The following GNAI3 variants were observed in gnomAD, a reference collection of about 807,000 sequenced individuals.
The protein encoded by GNAI3 is G protein subunit alpha i3.
GNAI3 carries 12 observed loss-of-function variants against 41.8 expected under a neutral mutation model. That is an observed-to-expected ratio of 0.29 (90% CI 0.18 to 0.47). The LOEUF is 0.47. Among genes scored for constraint, GNAI3 ranks in the 20% least tolerant of loss-of-function variants. GNAI3 has a pLI of 1.00. For missense variants in GNAI3, 360 were observed against 429.6 expected (o/e 0.84, Z 1.43); for synonymous variants, 132 against 146.5 (o/e 0.90, Z 0.71).
At chr1:109,555,963 C>CGTGTGTGTGTGTGTGTGTGT (rs71069692) in intron 1 of GNAI3, among the ~76,000 whole-genome samples, 1 of 144,530 alleles carries the variant, frequency 6.9e-6, no homozygotes, top group Non-Finnish European at 1.5e-5. Flanking sequence ...TGCGTGCGTG[C>CGTGTGTGTGTGTGTGTGTGT]GTGTGTGTGT....
chr1:109,548,737 G>T lies in GNAI3; in HGVS notation c.17G>T (p.Ser6Ile). The change falls in exon 1 of 9, where the codon AGC becomes ATC. Residue 6 changes from serine (S) to isoleucine (I), a missense_variant. By Grantham distance (142) the Ser-to-Ile change is moderately radical. Transcript: ENST00000369851. The stretch of plus-strand genomic sequence containing the variant: ...GCCGCCGCCATGGGCTGCACGTTGA[G>T]CGCCGAAGACAAGGCGGCAGTGGAG... MGCTLSAEDKAAVERS... is the reference protein window; with the variant it reads MGCTLIAEDKAAVERS... 1 of 1,613,226 alleles carries T rather than the reference G, an allele frequency of 6.2e-7. No individual in the cohort carries two copies. Among genetic ancestry groups the T allele is most frequent in the South Asian group, 1.1e-5 (1 of 90,974 alleles).
At chr1:109,572,263 T>C (rs760445393) in intron 1 of GNAI3, among the ~76,000 whole-genome samples, 9 of 152,070 alleles carry the variant, frequency 5.9e-5, no homozygotes, top group Non-Finnish European at 8.8e-5. Context: ...TGAGCCGAGA[T>C]TGTACCATTG....
intron 7 of GNAI3, among the ~76,000 whole-genome samples, chr1:109,588,133 C>G (rs963290321): frequency 1.3e-5 from 2 of 152,046 alleles, no homozygotes; most frequent in Non-Finnish European, 2.9e-5. Flanking sequence ...GTAATCCCAG[C>G]ACTTTGGGAG....
chr1:109,561,694 T>A (rs186299197), intron 1 of GNAI3, among the ~76,000 whole-genome samples: 6 of 152,208 alleles, frequency 3.9e-5, no homozygotes, highest in Admixed American at 3.3e-4. Context: ...TAAAATGTGA[T>A]TACAGAAGGA....
chr1:109,566,344 C>T (rs1021169909), intron 1 of GNAI3, among the ~76,000 whole-genome samples: 1 of 152,184 alleles, frequency 6.6e-6, no homozygotes, highest in Non-Finnish European at 1.5e-5. Context: ...ACTTCTCCCA[C>T]CAGACCGTAA....
At chr1:109,577,309 C>CTTTTTT (rs1553224234) in intron 3 of GNAI3, among the ~76,000 whole-genome samples, 1 of 133,116 alleles carries the variant, frequency 7.5e-6, no homozygotes, top group African/African-American at 2.9e-5. Flanking sequence ...TGGAGTTTTG[C>CTTTTTT]TCTGTCGCCC....
At chr1:109,555,968 G>A (rs1406974325) in intron 1 of GNAI3, among the ~76,000 whole-genome samples, 17 of 67,338 alleles carry the variant, frequency 2.5e-4, no homozygotes, top group Non-Finnish European at 5.0e-4. Flanking sequence ...GCGTGCGTGT[G>A]TGTGTGTGTG....
At chr1:109,591,903 A>G (rs1649181493) in intron 7 of GNAI3, 140 bp from the exon 8 acceptor site, 1 of 501,274 alleles carries the variant, frequency 2.0e-6, no homozygotes, top group Non-Finnish European at 3.6e-6. Context: ...AGAAACACCT[A>G]ATGATTATAG....
chr1:109,567,696 A>G (rs1357983503), intron 1 of GNAI3, among the ~76,000 whole-genome samples: 1 of 152,204 alleles, frequency 6.6e-6, no homozygotes, highest in Non-Finnish European at 1.5e-5. Flanking sequence ...CCAAGTTGTT[A>G]TTACTAAATA....
At chr1:109,555,484 A>G (rs1648114870) in intron 1 of GNAI3, among the ~76,000 whole-genome samples, 1 of 152,224 alleles carries the variant, frequency 6.6e-6, no homozygotes, top group African/African-American at 2.4e-5. Context: ...AGCCACATGT[A>G]GAAGCATTAA....
chr1:109,576,329 C>T (rs1648742609), intron 3 of GNAI3, among the ~76,000 whole-genome samples: 1 of 151,798 alleles, frequency 6.6e-6, no homozygotes, highest in South Asian at 2.1e-4. Context: ...TTGGCCTCCC[C>T]AAGTGCTGGG....
chr1:109,554,799 G>A (rs934885795), intron 1 of GNAI3, among the ~76,000 whole-genome samples: 2 of 152,066 alleles, frequency 1.3e-5, no homozygotes, highest in Non-Finnish European at 2.9e-5. Flanking sequence ...ATGGCTAGAA[G>A]GGTTTTTCCA....
At chr1:109,569,284 C>T (rs1329035461) in intron 1 of GNAI3, among the ~76,000 whole-genome samples, 1 of 152,220 alleles carries the variant, frequency 6.6e-6, no homozygotes, top group African/African-American at 2.4e-5. Flanking sequence ...GAGTCCTCTT[C>T]AGTTCCTCCC....
rs568125757 is a variant in GNAI3, at chr1:109,595,043, G to T, written c.*2721G>T. 9.2e-5 allele frequency: 14 copies of T among 152,248 alleles called. No individual in the cohort carries two copies. Among genetic ancestry groups the T allele is most frequent in the Admixed American group, 1.3e-4 (2 of 15,284 alleles). 9.4% of individuals were successfully genotyped at this position (152,248 alleles called of 1,614,324 possible). A position where few individuals can be genotyped will look rare whatever the true frequency, so the allele number is the denominator to read the frequency against. On this transcript the variant is annotated 3_prime_UTR_variant, in exon 9 of 9. Coordinates refer to ENST00000369851, the MANE Select transcript of GNAI3 (RefSeq NM_006496.4). The stretch of plus-strand genomic sequence containing the variant: ...TTTCTTGTAGCAGGGCTAAAATGTG[G>T]GATGAAACATTAAATCTACTAGCCT...
chr1:109,569,766 G>A (rs1280626802), intron 1 of GNAI3, among the ~76,000 whole-genome samples: 1 of 151,820 alleles, frequency 6.6e-6, no homozygotes, highest in Non-Finnish European at 1.5e-5. Flanking sequence ...TTTTCTCAGG[G>A]AGCCTTGGAA....
At chr1:109,556,023 T>C (rs1243853314) in intron 1 of GNAI3, among the ~76,000 whole-genome samples, 1 of 150,780 alleles carries the variant, frequency 6.6e-6, no homozygotes, top group East Asian at 1.9e-4. Flanking sequence ...ATCAGGTCCT[T>C]CCATTAACTT....
chr1:109,559,999 A>G (rs536837068), intron 1 of GNAI3, among the ~76,000 whole-genome samples: 2 of 152,344 alleles, frequency 1.3e-5, no homozygotes, highest in African/African-American at 4.8e-5. Context: ...CTAAGCAAAG[A>G]AGAAAGATAC....
intron 3 of GNAI3, among the ~76,000 whole-genome samples, chr1:109,577,269 GTTTTTTTTGTTT>G (rs1258751261): frequency 1.4e-5 from 2 of 139,002 alleles, no homozygotes; most frequent in African/African-American, 5.4e-5. Context: ...TAGCTAAGGT[GTTTTTTTTGTTT>G]TTTTTTTTTT....
intron 7 of GNAI3, chr1:109,591,492 TA>T: frequency 9.7e-7 from 1 of 1,036,216 alleles, no homozygotes; most frequent in South Asian, 1.3e-5. Flanking sequence ...TGTAGCAGAG[TA>T]ATATTATCTC....
Sources: gnomAD v4.1 joint callset for allele counts (sites outside exome capture counted in the v4.1 genomes callset) on GRCh38, gnomAD v4.1.1 for gene constraint, MANE v1.5 for transcripts, NCBI Gene and HGNC (gene_info 2026-07-23, HGNC 2026-07-21) for gene names.